The following CENPP variants were observed in gnomAD, a reference collection of about 807,000 sequenced individuals.
CENPP encodes centromere protein P.
A neutral mutation model predicts 35.6 loss-of-function variants in CENPP; 24 were observed. The observed-to-expected ratio is 0.67, with a 90% CI of 0.49 to 0.95. The LOEUF (loss-of-function observed/expected upper bound fraction) is 0.95. CENPP is among the 40% of genes least tolerant of loss of function. The pLI is 0.00. For synonymous variants in CENPP, 120 were observed against 125.5 expected, an observed-to-expected ratio of 0.96 and a Z score of 0.29; for missense variants, 332 against 345.3, an observed-to-expected ratio of 0.96 and a Z score of 0.31.
intron 5 of CENPP, among the ~76,000 whole-genome samples, chr9:92,488,730 A>G (rs1422962800): frequency 6.6e-6 from 1 of 152,252 alleles, no homozygotes; most frequent in Non-Finnish European, 1.5e-5. Flanking sequence ...TACAACTTAT[A>G]AAAAGATTTG....
intron 5 of CENPP, chr9:92,515,352 T>A: frequency 1.8e-6 from 2 of 1,117,748 alleles, no homozygotes; most frequent in Non-Finnish European, 2.3e-6. Context: ...AATTCTTGCT[T>A]AAAAAGTTTT....
intron 3 of CENPP, 98 bp from the exon 4 acceptor site, chr9:92,345,601 T>A (rs914118457): frequency 7.3e-6 from 5 of 687,038 alleles, no homozygotes; most frequent in Non-Finnish European, 1.3e-5. Flanking sequence ...TACTCTTTCC[T>A]TTTATTTGGT....
chr9:92,578,917 G>C (rs1850351217), intron 5 of CENPP, among the ~76,000 whole-genome samples: 1 of 152,064 alleles, frequency 6.6e-6, no homozygotes, highest in Admixed American at 6.6e-5. Flanking sequence ...TTTCTTCTAG[G>C]GTTATTATGG....
chr9:92,385,483 T>A (rs976072678), intron 5 of CENPP: 3 of 735,100 alleles, frequency 4.1e-6, no homozygotes, highest in African/African-American at 3.6e-5. Context: ...ATTTTGAACA[T>A]CCTTGCTTAA....
At chr9:92,367,559 TTTC>T (rs1311135242) in intron 4 of CENPP, among the ~76,000 whole-genome samples, 2 of 152,114 alleles carry the variant, frequency 1.3e-5, no homozygotes, top group Non-Finnish European at 2.9e-5. Context: ...CCCACAACTG[TTTC>T]TTATGTTTCT....
Position 92,476,134 on chromosome 9 carries a change from C to T in CENPP, c.564+96275C>T, listed in dbSNP as rs1845706624. Among the ~76,000 whole-genome samples, 1 of 152,184 alleles carries T rather than the reference C, an allele frequency of 6.6e-6. No individual in the cohort carries two copies. Among genetic ancestry groups the T allele is most frequent in the Admixed American group, 6.5e-5 (1 of 15,284 alleles). On this transcript the variant is annotated intron_variant, in intron 5 of 7. Coordinates refer to ENST00000375587, the MANE Select transcript of CENPP (RefSeq NM_001012267.3). The surrounding 1 kb of genome is among the most constrained non-coding windows in gnomAD (Gnocchi z 4.1). ...AGAGGGCTCCGCAGACCCTAATAGT[C>T]CACCAGGCTACAGTCACCTAAATAG...
intron 5 of CENPP, chr9:92,600,561 T>A: frequency 6.2e-7 from 1 of 1,611,868 alleles, no homozygotes; most frequent in Non-Finnish European, 8.5e-7. Context: ...ATGGAGAATG[T>A]TTGGCACAAG....
chr9:92,354,640 A>G (rs1283290503), intron 4 of CENPP, among the ~76,000 whole-genome samples: 2 of 152,220 alleles, frequency 1.3e-5, no homozygotes, highest in Non-Finnish European at 2.9e-5. Flanking sequence ...GATTATAGGC[A>G]TGAGCCACCA....
intron 5 of CENPP, among the ~76,000 whole-genome samples, chr9:92,429,487 A>G (rs1318520699): frequency 6.6e-6 from 1 of 152,154 alleles, no homozygotes; most frequent in Non-Finnish European, 1.5e-5. Context: ...TTACCTGAAT[A>G]TAATCTTGTC....
intron 5 of CENPP, chr9:92,510,183 C>T: frequency 1.3e-6 from 1 of 747,010 alleles, no homozygotes; most frequent in East Asian, 3.1e-5. Flanking sequence ...ACCCCTTATT[C>T]CCCCTGCCAG....
At chr9:92,398,353 G>A (rs1336004674) in intron 5 of CENPP, among the ~76,000 whole-genome samples, 2 of 151,870 alleles carry the variant, frequency 1.3e-5, no homozygotes, top group East Asian at 1.9e-4. Context: ...TTGACTATAC[G>A]AAACAGCATT....
chr9:92,432,648 A>AGT, intron 5 of CENPP, among the ~76,000 whole-genome samples: 1 of 152,372 alleles, frequency 6.6e-6, no homozygotes, highest in Middle Eastern at 3.4e-3. Flanking sequence ...GGGAGCAGCC[A>AGT]GTACTCCACC....
Position 92,415,849 on chromosome 9 carries a change from AT to A in CENPP, c.564+35991del, listed in dbSNP as rs953431577. On this transcript the variant is annotated intron_variant, in intron 5 of 7. Transcript: ENST00000375587. Reference sequence around the variant, plus strand: ...ACAATTTATACATATATATAAAAAAATATATATATATAAAATTATATATTTC... The same window carrying A: ...ACAATTTATACATATATATAAAAAAAATATATATATAAAATTATATATTTC... 6.8e-4 allele frequency among the ~76,000 whole-genome samples: 99 copies of A among 146,042 alleles called. 1 individual carries two copies. Among genetic ancestry groups the A allele is most frequent in the East Asian group, 3.7e-3 (19 of 5,088 alleles).
chr9:92,494,856 G>A (rs1427745253), intron 5 of CENPP, among the ~76,000 whole-genome samples: 1 of 152,016 alleles, frequency 6.6e-6, no homozygotes, highest in Non-Finnish European at 1.5e-5. Context: ...GCAGTGAGCC[G>A]AGATTGCACC....
intron 4 of CENPP, among the ~76,000 whole-genome samples, chr9:92,372,099 C>CTTTTTTTTTTTTTTT (rs71362382): frequency 3.8e-3 from 118 of 30,694 alleles, no homozygotes; most frequent in East Asian, 0.012. Flanking sequence ...TGCCAGCCAT[C>CTTTTTTTTTTTTTTT]TTTTTTTTTT....
In CENPP at chr9:92,615,722, G is replaced by A. The variant is rs1485358182; in HGVS notation, c.*2573G>A. ...AAGAGGCAATCCCACCTCAAAAGGG[G>A]TTAAAAGCAAAAACATTCACAACCA... On this transcript the variant is annotated 3_prime_UTR_variant, in exon 8 of 8. Coordinates refer to ENST00000375587, the MANE Select transcript of CENPP (RefSeq NM_001012267.3). The A allele has an allele frequency of 6.8e-6, 6 of 882,624 alleles. No individual in the cohort carries two copies. The highest frequency in any genetic ancestry group is 1.7e-5 in the African/African-American group (1 of 60,004). 54.7% of individuals were successfully genotyped at this position (882,624 alleles called of 1,614,324 possible). A position where few individuals can be genotyped will look rare whatever the true frequency, so the allele number is the denominator to read the frequency against.
chr9:92,359,786 G>T (rs796097039), intron 4 of CENPP, among the ~76,000 whole-genome samples: 6 of 151,150 alleles, frequency 4.0e-5, no homozygotes, highest in African/African-American at 1.2e-4. Flanking sequence ...TGGAGGACAG[G>T]GTCCTTTTTT....
At chr9:92,345,950 ATT>A (rs1841283446) in intron 4 of CENPP, among the ~76,000 whole-genome samples, 163 bp downstream of exon 4, 1 of 152,202 alleles carries the variant, frequency 6.6e-6, no homozygotes, top group African/African-American at 2.4e-5. Context: ...TATATCTATC[ATT>A]CTTTCATTTA....
chr9:92,493,041 T>C (rs1846217114), intron 5 of CENPP, among the ~76,000 whole-genome samples: 1 of 152,184 alleles, frequency 6.6e-6, no homozygotes, highest in South Asian at 2.1e-4. Context: ...CCAAGCCTCT[T>C]CAGCCTGGAT....
Sources: allele counts gnomAD v4.1 joint callset (sites outside exome capture counted in the v4.1 genomes callset), GRCh38; gene constraint gnomAD v4.1.1; non-coding constraint Gnocchi (gnomAD v3.1); transcripts MANE v1.5; gene names NCBI Gene and HGNC (gene_info 2026-07-23, HGNC 2026-07-21).